The following DHX35 variants were observed in gnomAD, a reference collection of about 807,000 sequenced individuals.
DHX35 encodes the protein DEAH-box helicase 35.
In DHX35, 84 loss-of-function variants were observed where a neutral mutation model predicts 99.6. That is an observed-to-expected ratio of 0.84 (90% CI 0.71 to 1.01). The LOEUF (loss-of-function observed/expected upper bound fraction) is 1.01. Among genes scored for constraint, DHX35 ranks in the 50% least tolerant of loss-of-function variants. The probability of loss-of-function intolerance (pLI) is 0.00; values close to 1 mark genes in which losing one functional copy is unlikely to be tolerated. For missense variants in DHX35, 852 were observed against 888.5 expected, an observed-to-expected ratio of 0.96 and a Z score of 0.52; for synonymous variants, 331 against 316.2, an observed-to-expected ratio of 1.05 and a Z score of -0.50.
At chr20:38,993,010 A>G (rs1242216905) in intron 7 of DHX35, among the ~76,000 whole-genome samples, 1 of 151,996 alleles carries the variant, frequency 6.6e-6, no homozygotes, top group African/African-American at 2.4e-5. Flanking sequence ...AACAATTACA[A>G]CTCACAGCCA....
chr20:38,998,882 C>T lies in DHX35; in HGVS notation c.643-2848C>T, dbSNP rs543748601. On this transcript the variant is annotated intron_variant, in intron 8 of 21. Transcript: ENST00000252011. ...AGTGATCTCGGCCCACTGCAGCCTC[C>T]GCCTCGCAGGTTCAAACGATTCTCC... 7.9e-5 allele frequency among the ~76,000 whole-genome samples: 12 copies of T among 152,180 alleles called. 1 individual carries two copies. The highest frequency in any genetic ancestry group is 1.5e-4 in the Non-Finnish European group (10 of 68,002).
intron 1 of DHX35, 36 bp from the exon 2 acceptor site, chr20:38,969,045 A>T: frequency 6.4e-7 from 1 of 1,569,108 alleles, no homozygotes. Flanking sequence ...TGTTCATTGT[A>T]TCAGAGAATC....
intron 3 of DHX35, among the ~76,000 whole-genome samples, chr20:38,976,731 A>T (rs1467668969): frequency 6.6e-6 from 1 of 152,062 alleles, no homozygotes; most frequent in Non-Finnish European, 1.5e-5. Context: ...TTGTTGACCA[A>T]CCTTTTATTC....
At chr20:38,964,957 T>C (rs958449660) in intron 1 of DHX35, among the ~76,000 whole-genome samples, 32 of 152,364 alleles carry the variant, frequency 2.1e-4, no homozygotes, top group Admixed American at 1.1e-3. Context: ...CTCAGATTTC[T>C]GGGCTGGGTG....
chr20:38,977,827 C>A (rs1316353725), intron 3 of DHX35: 1 of 551,750 alleles, frequency 1.8e-6, no homozygotes, highest in South Asian at 1.4e-5. Context: ...GGTATTGAGT[C>A]TTTTCCATTC....
chr20:39,032,944 C>G (rs1486134405), intron 20 of DHX35, among the ~76,000 whole-genome samples: 2 of 152,198 alleles, frequency 1.3e-5, no homozygotes, highest in African/African-American at 2.4e-5. Flanking sequence ...AGGATACGCA[C>G]ACTCGTGTGC....
intron 3 of DHX35, chr20:38,977,695 G>A: frequency 2.7e-6 from 1 of 373,334 alleles, no homozygotes; most frequent in Non-Finnish European, 5.0e-6. Context: ...AAAAAGAACA[G>A]CCAGATATCA....
At chr20:39,032,757 A>G (rs942831070) in intron 20 of DHX35, among the ~76,000 whole-genome samples, 10 of 152,196 alleles carry the variant, frequency 6.6e-5, no homozygotes, top group African/African-American at 2.2e-4. Flanking sequence ...CTAGGACTCC[A>G]TTTTAACAAG....
At chr20:38,988,591 C>T (rs1413759975) in intron 4 of DHX35, among the ~76,000 whole-genome samples, 1 of 152,148 alleles carries the variant, frequency 6.6e-6, no homozygotes, top group Non-Finnish European at 1.5e-5. Context: ...GATTGTGCCA[C>T]TGCCCTCCAG....
chr20:38,971,546 T>G (rs1309277680), intron 2 of DHX35, among the ~76,000 whole-genome samples: 1 of 152,154 alleles, frequency 6.6e-6, no homozygotes, highest in African/African-American at 2.4e-5. Flanking sequence ...CCCAGTCTTA[T>G]AAATGCCTCC....
At chr20:39,033,921 G>C (rs2087101331) in intron 20 of DHX35, among the ~76,000 whole-genome samples, 1 of 152,192 alleles carries the variant, frequency 6.6e-6, no homozygotes, top group African/African-American at 2.4e-5. Flanking sequence ...GCTCAGTTCA[G>C]AGTTCTGTAA....
chr20:39,010,335 T>C lies in DHX35; in HGVS notation c.1278T>C (p.Asn426=). ...CGGTTCCTGAGATGCAGCGTAGTAA[T>C]TTGGCACCTGTCATCCTGCAGCTGA... ...QSTVPEMQRS[N]LAPVILQLKA... is the part of the protein sequence containing the mutation. Residue 426 remains asparagine, a synonymous_variant, in exon 13 of 22, where the codon AAT becomes AAC. Coordinates refer to ENST00000252011, the MANE Select transcript of DHX35 (RefSeq NM_021931.4). 2 of 1,614,160 alleles carry C rather than the reference T, an allele frequency of 1.2e-6. No individual in the cohort carries two copies. The highest frequency in any genetic ancestry group is 8.5e-7 in the Non-Finnish European group (1 of 1,180,022).
At chr20:39,003,702 C>G in intron 10 of DHX35, 47 bp from the exon 11 acceptor site, 3 of 1,586,262 alleles carry the variant, frequency 1.9e-6, no homozygotes, top group South Asian at 1.1e-5. Context: ...AAATAGCATG[C>G]TTTAAATTGA....
chr20:39,021,202 G>A (rs1037631334), intron 15 of DHX35, among the ~76,000 whole-genome samples: 1 of 152,188 alleles, frequency 6.6e-6, no homozygotes, highest in African/African-American at 2.4e-5. Flanking sequence ...AAGGGGTCAG[G>A]AGCAGAGAAA....
At chr20:38,972,462 C>T in intron 2 of DHX35, 97 bp from the exon 3 acceptor site, 1 of 762,836 alleles carries the variant, frequency 1.3e-6, no homozygotes, top group Non-Finnish European at 2.2e-6. Context: ...AATTCACTTT[C>T]CTTTGAAAAC....
intron 20 of DHX35, among the ~76,000 whole-genome samples, chr20:39,031,394 C>T (rs1053256326): frequency 4.7e-5 from 7 of 148,592 alleles, no homozygotes; most frequent in Admixed American, 1.4e-4. Context: ...AGTGCAGTGA[C>T]GGCGCTATCT....
intron 3 of DHX35, among the ~76,000 whole-genome samples, chr20:38,974,837 A>G (rs2086052729): frequency 6.6e-6 from 1 of 152,226 alleles, no homozygotes; most frequent in Non-Finnish European, 1.5e-5. Context: ...AGAGAAAGCA[A>G]AGACAGAGTG....
rs1229093195 is a variant in DHX35 at position 39,039,259 on chromosome 20, A to G, written c.*716A>G. 1 of 152,742 alleles carries G rather than the reference A, an allele frequency of 6.5e-6. No homozygotes were observed. The highest frequency in any genetic ancestry group is 1.9e-4 in the East Asian group (1 of 5,200). The allele number at this position is 152,742 out of a possible 1,614,324, so 9.5% of individuals were successfully genotyped here. A position where few individuals can be genotyped will look rare whatever the true frequency, so the allele number is the denominator to read the frequency against. ...GAGTGTAGTGCCAGGTCCTGGTGCC[A>G]CGCTAGCTGAGCACTCAGGAGAGTT... On this transcript the variant is annotated 3_prime_UTR_variant, in exon 22 of 22. Coordinates refer to ENST00000252011, the MANE Select transcript of DHX35 (RefSeq NM_021931.4).
In DHX35 at chr20:38,968,184, C is replaced by T. The variant is rs61135208; in HGVS notation, c.41-897C>T. 6.6e-3 allele frequency among the ~76,000 whole-genome samples: 1,001 copies of T among 152,236 alleles called. 11 individuals carry two copies. Among genetic ancestry groups the T allele is most frequent in the African/African-American group, 0.023 (949 of 41,528 alleles). On this transcript the variant is annotated intron_variant, in intron 1 of 21. Coordinates refer to ENST00000252011, the MANE Select transcript of DHX35 (RefSeq NM_021931.4). ...ATCCTTGCTGGTCCTTGCTGGACCACGATGAATGATTGGTAGAGGAGTTGT... is the reference window on the plus strand; with the variant it reads ...ATCCTTGCTGGTCCTTGCTGGACCATGATGAATGATTGGTAGAGGAGTTGT...
Sources: allele counts gnomAD v4.1 joint callset (sites outside exome capture counted in the v4.1 genomes callset), GRCh38; gene constraint gnomAD v4.1.1; transcripts MANE v1.5; gene names NCBI Gene and HGNC (gene_info 2026-07-23, HGNC 2026-07-21).